Variants in FOLH1 observed in about 807,000 individuals in gnomAD.
FOLH1 encodes glutamate carboxypeptidase 2.
Under a neutral mutation model 93.9 loss-of-function variants are expected in FOLH1, and 54 were observed. That is an observed-to-expected ratio of 0.57 (90% CI 0.46 to 0.72). FOLH1 has a LOEUF of 0.72. Among genes scored for constraint, FOLH1 ranks in the 30% least tolerant of loss-of-function variants. The pLI, the probability that FOLH1 is intolerant of heterozygous loss-of-function variation, is 0.00. For missense variants in FOLH1, 571 were observed against 892.5 expected (o/e 0.64, Z 4.59); for synonymous variants, 249 against 303.6 (o/e 0.82, Z 1.87).
chr11:49,196,878 T>C (rs572119053), intron 3 of FOLH1, among the ~76,000 whole-genome samples: 2 of 152,200 alleles, frequency 1.3e-5, no homozygotes, highest in Non-Finnish European at 2.9e-5. Flanking sequence ...ATTGTATAGG[T>C]CTTGGTCAGT....
chr11:49,200,567 T>C, intron 2 of FOLH1, 126 bp from the exon 3 acceptor site: 1 of 969,458 alleles, frequency 1.0e-6, no homozygotes, highest in Non-Finnish European at 1.5e-6. Flanking sequence ...ATTAAAGTGG[T>C]AGTATTATTG....
chr11:49,193,231 T>C (rs1357913456), intron 3 of FOLH1, among the ~76,000 whole-genome samples: 1 of 152,202 alleles, frequency 6.6e-6, no homozygotes, highest in Non-Finnish European at 1.5e-5. Context: ...GGTAAAAAGA[T>C]ACTCTTCCAA....
At chr11:49,187,551 A>G (rs77235861) in intron 4 of FOLH1, among the ~76,000 whole-genome samples, 2 of 152,144 alleles carry the variant, frequency 1.3e-5, no homozygotes, top group Admixed American at 1.3e-4. Flanking sequence ...AACATCATCA[A>G]TTTTAAAAAA....
At chr11:49,192,701 A>G in intron 4 of FOLH1, 92 bp downstream of exon 4, 1 of 997,682 alleles carries the variant, frequency 1.0e-6, no homozygotes, top group Non-Finnish European at 1.4e-6. Flanking sequence ...TTACATTAAA[A>G]GTCCCTTTAT....
intron 2 of FOLH1, among the ~76,000 whole-genome samples, chr11:49,203,034 A>G (rs1863452505): frequency 6.6e-6 from 1 of 152,268 alleles, no homozygotes. Flanking sequence ...TCTTTTTAAC[A>G]AAATTTGATA....
chr11:49,153,431 T>C (rs1431030724), intron 17 of FOLH1, among the ~76,000 whole-genome samples: 2 of 151,418 alleles, frequency 1.3e-5, no homozygotes, highest in Non-Finnish European at 2.9e-5. Flanking sequence ...GATGTACAGA[T>C]ACTGAAAAAG....
chr11:49,153,458 A>G (rs1856679691), intron 17 of FOLH1, among the ~76,000 whole-genome samples: 1 of 151,774 alleles, frequency 6.6e-6, no homozygotes, highest in African/African-American at 2.4e-5. Context: ...ATAAAACTGG[A>G]AACAGCTGGG....
intron 6 of FOLH1, 60 bp downstream of exon 6, chr11:49,185,608 CT>C (rs1861272989): frequency 6.3e-7 from 1 of 1,597,476 alleles, no homozygotes; most frequent in African/African-American, 1.3e-5. Flanking sequence ...AAAGGAAATT[CT>C]TTAATAAAGT....
intron 3 of FOLH1, among the ~76,000 whole-genome samples, chr11:49,193,138 C>A (rs981278658): frequency 2.0e-5 from 3 of 152,164 alleles, no homozygotes; most frequent in Admixed American, 6.5e-5. Context: ...GCTAAAAAAA[C>A]CCCACCAATA....
intron 3 of FOLH1, among the ~76,000 whole-genome samples, chr11:49,198,144 T>C (rs1287161962): frequency 2.6e-5 from 4 of 151,628 alleles, no homozygotes; most frequent in South Asian, 4.2e-4. Context: ...TAAGCAATGG[T>C]ATAGTCAAAA....
At chr11:49,199,683 G>A (rs779627860) in intron 3 of FOLH1, among the ~76,000 whole-genome samples, 26 of 152,242 alleles carry the variant, frequency 1.7e-4, no homozygotes, top group Middle Eastern at 3.4e-3. Context: ...GGCTGAGGCG[G>A]GTGGATCACC....
chr11:49,148,506 T>C (rs1345896411), intron 18 of FOLH1, 133 bp downstream of exon 18: 1 of 607,998 alleles, frequency 1.6e-6, no homozygotes, highest in Admixed American at 3.6e-5. Flanking sequence ...AACTATCACT[T>C]ACTACATATA....
intron 17 of FOLH1, among the ~76,000 whole-genome samples, chr11:49,150,974 A>T (rs1399662819): frequency 6.6e-6 from 1 of 152,138 alleles, no homozygotes; most frequent in Non-Finnish European, 1.5e-5. Flanking sequence ...ACAAAATGTG[A>T]TTTTTAATTT....
chr11:49,169,248 C>A lies in FOLH1; in HGVS notation c.1319G>T (p.Arg440Ile). Reference protein sequence around the residue: ...GSTEWAEENSRLLQERGVAYI... With the variant: ...GSTEWAEENSILLQERGVAYI... ...AGCCACGCCACGCTCTTGAAGGAGT[C>A]TTGAATTCTCCTATAATAAAAAGGA... The change falls in exon 12 of 19, where the codon AGA becomes ATA. Residue 440 changes from arginine (R) to isoleucine (I), a missense_variant. This residue lies in a region of FOLH1 where 500 missense variants were observed against 822.9 expected (regional missense o/e 0.61). Coordinates refer to ENST00000256999, the MANE Select transcript of FOLH1 (RefSeq NM_004476.3). 3 of 1,613,042 alleles carry A rather than the reference C, an allele frequency of 1.9e-6. No individual in the cohort carries two copies. Among genetic ancestry groups the A allele is most frequent in the Non-Finnish European group, 2.5e-6 (3 of 1,179,232 alleles).
chr11:49,169,045 A>AG, intron 12 of FOLH1, 150 bp downstream of exon 12: 1 of 715,954 alleles, frequency 1.4e-6, no homozygotes, highest in Non-Finnish European at 2.3e-6. Context: ...ACTCTCAACT[A>AG]GGGTTCATAC....
In FOLH1 at chr11:49,185,723, T is replaced by C; in HGVS notation, c.772A>G (p.Ile258Val). 6.2e-7 allele frequency: 1 copy of C among 1,613,762 alleles called. No individual in the cohort carries two copies. Among genetic ancestry groups the C allele is most frequent in the Non-Finnish European group, 8.5e-7 (1 of 1,179,802 alleles). Reference sequence around the variant, plus strand: ...TCTCCTGCACCATTCAGATTTAGGATATTTCCACGCTGGACACCACCTCCA... The same window carrying C: ...TCTCCTGCACCATTCAGATTTAGGACATTTCCACGCTGGACACCACCTCCA... ...LPGGGVQRGN[I>V]LNLNGAGDPL... The change falls in exon 6 of 19, where the codon ATC becomes GTC. Residue 258 changes from isoleucine (I) to valine (V), a missense_variant. Ile to Val is a conservative substitution (Grantham distance 29). Around this residue, in one of 2 missense-constraint regions of FOLH1, gnomAD observed 500 missense variants for 822.9 expected, o/e 0.61. Coordinates refer to ENST00000256999, the MANE Select transcript of FOLH1 (RefSeq NM_004476.3).
chr11:49,191,919 C>T (rs1024339774), intron 4 of FOLH1, among the ~76,000 whole-genome samples: 3 of 152,162 alleles, frequency 2.0e-5, no homozygotes, highest in African/African-American at 4.8e-5. Flanking sequence ...AGGCTGATCT[C>T]GAACTCCTGA....
At chr11:49,202,611 G>C (rs551435141) in intron 2 of FOLH1, among the ~76,000 whole-genome samples, 26 of 152,356 alleles carry the variant, frequency 1.7e-4, no homozygotes, top group African/African-American at 6.0e-4. Context: ...CTCCCAAAGA[G>C]CTGGGATTAC....
chr11:49,204,495 A>G (rs1307298280), intron 2 of FOLH1, among the ~76,000 whole-genome samples: 2 of 152,108 alleles, frequency 1.3e-5, no homozygotes, highest in Admixed American at 6.5e-5. Context: ...CAGCTCTGTC[A>G]AGGAGTAAAG....
Sources: gnomAD v4.1 joint callset for allele counts (sites outside exome capture counted in the v4.1 genomes callset) on GRCh38, gnomAD v4.1.1 for gene constraint, gnomAD v4.1.1 regional missense constraint, MANE v1.5 for transcripts, NCBI Gene and HGNC (gene_info 2026-07-23, HGNC 2026-07-21) for gene names.